CNOT4: variants seen among roughly 807,000 people sequenced by gnomAD.
CNOT4 encodes the protein CCR4-NOT transcription complex subunit 4, also known as CCR4-associated factor 4.
A neutral mutation model predicts 73.8 loss-of-function variants in CNOT4; 8 were observed. The ratio of observed to expected loss-of-function variants is 0.11; its 90% CI spans 0.06 to 0.20. The LOEUF (loss-of-function observed/expected upper bound fraction) is 0.20, where lower values mean the gene tolerates loss of function less well. Among genes scored for constraint, CNOT4 ranks in the 10% least tolerant of loss-of-function variants. CNOT4 has a pLI of 1.00. For missense variants in CNOT4, 564 were observed against 883.4 expected (o/e 0.64, Z 4.58); for synonymous variants, 293 against 321.1 (o/e 0.91, Z 0.94).
chr7:135,448,710 A>C (rs1411033112), intron 1 of CNOT4, among the ~76,000 whole-genome samples: 2 of 152,208 alleles, frequency 1.3e-5, no homozygotes, highest in Admixed American at 1.3e-4. Context: ...TAATTGCAGA[A>C]GGAAGGTATA....
intron 7 of CNOT4, among the ~76,000 whole-genome samples, chr7:135,400,033 G>T (rs1034656759): frequency 6.6e-6 from 1 of 152,034 alleles, no homozygotes; most frequent in Non-Finnish European, 1.5e-5. Context: ...GCTACTACAA[G>T]TGGGGCAATT....
intron 1 of CNOT4, among the ~76,000 whole-genome samples, chr7:135,480,235 T>C (rs749529003): frequency 5.9e-5 from 9 of 152,246 alleles, no homozygotes; most frequent in Non-Finnish European, 8.8e-5. Flanking sequence ...TTTGATTTCT[T>C]GTCACTGGTC....
chr7:135,377,418 T>A (rs1795582359), intron 10 of CNOT4, among the ~76,000 whole-genome samples: 1 of 152,204 alleles, frequency 6.6e-6, no homozygotes, highest in Admixed American at 6.5e-5. Context: ...GGGAATATAA[T>A]GAGAAGTCTT....
intron 6 of CNOT4, among the ~76,000 whole-genome samples, 196 bp from the exon 7 acceptor site, chr7:135,410,844 C>G (rs971869137): frequency 4.0e-5 from 6 of 151,236 alleles, no homozygotes; most frequent in Admixed American, 3.3e-4. Flanking sequence ...CACAAAACTT[C>G]TAGATCAATG....
intron 10 of CNOT4, among the ~76,000 whole-genome samples, chr7:135,367,213 G>A (rs1288343326): frequency 1.3e-5 from 2 of 152,138 alleles, no homozygotes; most frequent in Non-Finnish European, 1.5e-5. Context: ...AAAGGAAGTC[G>A]ATTCCTTTGC....
chr7:135,495,752 A>AAG (rs1585734236), intron 1 of CNOT4, among the ~76,000 whole-genome samples: 6 of 131,470 alleles, frequency 4.6e-5, no homozygotes, highest in Admixed American at 7.7e-5. Context: ...GAAAGAAAGA[A>AAG]AGAAAGAAAG....
intron 1 of CNOT4, among the ~76,000 whole-genome samples, chr7:135,507,936 C>T (rs987842270): frequency 5.7e-4 from 87 of 152,028 alleles, no homozygotes; most frequent in Non-Finnish European, 1.0e-3. Flanking sequence ...TTTATTTGGT[C>T]CCCCAAATTG....
intron 1 of CNOT4, among the ~76,000 whole-genome samples, chr7:135,452,215 G>C (rs1800215020): frequency 6.6e-6 from 1 of 152,054 alleles, no homozygotes; most frequent in Non-Finnish European, 1.5e-5. Flanking sequence ...CCATAGCCTG[G>C]GTGACAGAGT....
chr7:135,494,745 A>G (rs990578802), intron 1 of CNOT4, among the ~76,000 whole-genome samples: 1 of 152,182 alleles, frequency 6.6e-6, no homozygotes, highest in African/African-American at 2.4e-5. Context: ...CAAATATTAG[A>G]GGAAAGGGGC....
At chr7:135,445,997 T>C (rs1319075453) in intron 1 of CNOT4, among the ~76,000 whole-genome samples, 1 of 152,136 alleles carries the variant, frequency 6.6e-6, no homozygotes, top group Non-Finnish European at 1.5e-5. Context: ...TCCTCCCACC[T>C]CAGCCACCTG....
chr7:135,414,690 T>C (rs553042464), intron 4 of CNOT4, among the ~76,000 whole-genome samples: 279 of 152,210 alleles, frequency 1.8e-3, no homozygotes, highest in African/African-American at 6.4e-3. Context: ...GGATTTATTT[T>C]TTTAGACAGT....
intron 1 of CNOT4, among the ~76,000 whole-genome samples, chr7:135,483,614 G>A (rs573729569): frequency 3.3e-5 from 5 of 151,934 alleles, no homozygotes; most frequent in South Asian, 4.2e-4. Context: ...TGCTTCAGCC[G>A]AGAAGTTGAG....
chr7:135,402,618 A>G (rs1259084204), intron 7 of CNOT4, among the ~76,000 whole-genome samples: 2 of 152,196 alleles, frequency 1.3e-5, no homozygotes, highest in Admixed American at 6.5e-5. Context: ...GAGAAGAGGA[A>G]CACAATGAAA....
At chr7:135,403,768 TTA>T (rs1797127589) in intron 7 of CNOT4, among the ~76,000 whole-genome samples, 1 of 152,204 alleles carries the variant, frequency 6.6e-6, no homozygotes, top group African/African-American at 2.4e-5. Context: ...GTACAAAGAA[TTA>T]GTTTTTAATA....
Position 135,363,802 on chromosome 7 carries a change from TAA to T in CNOT4, c.1840+50_1840+51del. On this transcript the variant is annotated intron_variant, in intron 11 of 11. Coordinates refer to ENST00000541284, the MANE Select transcript of CNOT4 (RefSeq NM_001190850.2). This position sits in a 1 kb window ranked among gnomAD's most constrained non-coding sequence, Gnocchi z 4.3. ...ATCTCGGTTTTTATTTAATCTGTGC[TAA>T]AAACCAAACTGTTGGCAGTCAGTGT... The T allele has an allele frequency of 6.9e-7, 1 of 1,456,714 alleles. No individual in the cohort carries two copies. Among genetic ancestry groups the T allele is most frequent in the Non-Finnish European group, 9.3e-7 (1 of 1,074,350 alleles). 90.2% of individuals were successfully genotyped at this position (1,456,714 alleles called of 1,614,324 possible). A position where few individuals can be genotyped will look rare whatever the true frequency, so the allele number is the denominator to read the frequency against.
rs980569378 is a variant in CNOT4, at chr7:135,451,063, T to C, written c.-92-12640A>G. ...TCCTCTATGATCTACTAACCCCACC[T>C]CTGCATAACAGCCTTAGAGAAACAG... is the stretch of plus-strand genomic sequence containing the variant. On this transcript the variant is annotated intron_variant, in intron 1 of 11. Coordinates refer to ENST00000541284, the MANE Select transcript of CNOT4 (RefSeq NM_001190850.2). Among the ~76,000 whole-genome samples the C allele has an allele frequency of 7.9e-5, 12 of 152,292 alleles. 1 individual carries two copies. Among genetic ancestry groups the C allele is most frequent in the Admixed American group, 6.5e-4 (10 of 15,292 alleles).
Position 135,364,952 on chromosome 7 carries a change from C to T in CNOT4, c.1628-886G>A, listed in dbSNP as rs1248900095. Among the ~76,000 whole-genome samples the T allele has an allele frequency of 6.6e-6, 1 of 152,136 alleles. No homozygotes were observed. Among genetic ancestry groups the T allele is most frequent in the African/African-American group, 2.4e-5 (1 of 41,414 alleles). ...CAACTACCTAATTGTTTAACAAATACTTAGATAGTTGTTTTATTTTTGAAA... is the reference window on the plus strand; with the variant it reads ...CAACTACCTAATTGTTTAACAAATATTTAGATAGTTGTTTTATTTTTGAAA... On this transcript the variant is annotated intron_variant, in intron 10 of 11. Coordinates refer to ENST00000541284, the MANE Select transcript of CNOT4 (RefSeq NM_001190850.2). This position sits in a 1 kb window ranked among gnomAD's most constrained non-coding sequence, Gnocchi z 4.3.
In CNOT4 at chr7:135,491,743, G is replaced by T. The variant is rs552881207; in HGVS notation, c.-93+18146C>A. On this transcript the variant is annotated intron_variant, in intron 1 of 11. Coordinates refer to ENST00000541284, the MANE Select transcript of CNOT4 (RefSeq NM_001190850.2). Reference sequence around the variant, plus strand: ...TTTATGATGAAAAAAGTAACAGTATGCTTGTATATTGATAGGAATTATCCA... The same window carrying T: ...TTTATGATGAAAAAAGTAACAGTATTCTTGTATATTGATAGGAATTATCCA... Among the ~76,000 whole-genome samples the T allele has an allele frequency of 5.3e-5, 8 of 152,292 alleles. No individual in the cohort carries two copies. The South Asian group carries it at 1.7e-3, about 32-fold the overall frequency.
chr7:135,379,207 A>G (rs1795700416), intron 10 of CNOT4, among the ~76,000 whole-genome samples: 1 of 152,202 alleles, frequency 6.6e-6, no homozygotes, highest in African/African-American at 2.4e-5. Flanking sequence ...TATAATAGTC[A>G]ATAGTTAAAA....
Sources: allele counts gnomAD v4.1 joint callset (sites outside exome capture counted in the v4.1 genomes callset), GRCh38; gene constraint gnomAD v4.1.1; non-coding constraint Gnocchi (gnomAD v3.1); transcripts MANE v1.5; gene names NCBI Gene and HGNC (gene_info 2026-07-23, HGNC 2026-07-21).